The following FRAS1 variants were observed in gnomAD, a reference collection of about 807,000 sequenced individuals.
The protein encoded by FRAS1 is extracellular matrix organizing protein FRAS1.
A neutral mutation model predicts 435.2 loss-of-function variants in FRAS1; 290 were observed. That is an observed-to-expected ratio of 0.67 (90% CI 0.61 to 0.73). The LOEUF (loss-of-function observed/expected upper bound fraction) is 0.73. Among genes scored for constraint, FRAS1 ranks in the 30% least tolerant of loss-of-function variants. The probability of loss-of-function intolerance (pLI) is 0.00; values close to 1 mark genes in which losing one functional copy is unlikely to be tolerated. For synonymous variants in FRAS1, 1,800 were observed against 1,851.0 expected (o/e 0.97, Z 0.71); for missense variants, 4,860 against 5,001.5 (o/e 0.97, Z 0.85).
intron 60 of FRAS1, among the ~76,000 whole-genome samples, chr4:78,497,763 G>GTACTCTTAAGTA (rs1228158275): frequency 2.3e-4 from 35 of 152,280 alleles, no homozygotes; most frequent in African/African-American, 8.2e-4. Context: ...TCTAGAATCT[G>GTACTCTTAAGTA]TACTCTTAAG....
intron 2 of FRAS1, among the ~76,000 whole-genome samples, chr4:78,188,976 T>C (rs77293533): frequency 0.014 from 2,078 of 152,278 alleles, 31 homozygotes; most frequent in Middle Eastern, 0.044. Context: ...TTTCCAGCTA[T>C]TATCTAATTA....
chr4:78,373,102 CAG>C (rs1156315045), intron 24 of FRAS1, among the ~76,000 whole-genome samples: 1 of 152,070 alleles, frequency 6.6e-6, no homozygotes, highest in African/African-American at 2.4e-5. Flanking sequence ...ACCACACAAA[CAG>C]GTATGTGTTA....
At chr4:78,221,447 A>T (rs1310825869) in intron 2 of FRAS1, among the ~76,000 whole-genome samples, 5 of 152,208 alleles carry the variant, frequency 3.3e-5, no homozygotes, top group African/African-American at 1.2e-4. Context: ...AAAAATTTGC[A>T]TATGTTCTGT....
chr4:78,458,889 T>A (rs182938011), intron 47 of FRAS1, among the ~76,000 whole-genome samples: 15 of 152,314 alleles, frequency 9.8e-5, no homozygotes, highest in African/African-American at 3.6e-4. Flanking sequence ...AGTGTATTAC[T>A]GGCCTATGTG....
chr4:78,396,887 T>C (rs1267077146), intron 29 of FRAS1, among the ~76,000 whole-genome samples: 1 of 152,224 alleles, frequency 6.6e-6, no homozygotes, highest in Non-Finnish European at 1.5e-5. Context: ...TTTCTGTCTT[T>C]TGTCAAACCT....
intron 2 of FRAS1, among the ~76,000 whole-genome samples, chr4:78,192,111 T>A (rs1361503396): frequency 2.0e-5 from 3 of 152,240 alleles, no homozygotes; most frequent in Admixed American, 1.3e-4. Context: ...TGAACCAGCC[T>A]TGCATCCCAG....
chr4:78,255,469 A>G lies in FRAS1; in HGVS notation c.603+94A>G. The G allele has an allele frequency of 3.9e-6, 5 of 1,271,090 alleles. No individual in the cohort carries two copies. The South Asian group carries it at 6.4e-5, about 16-fold the overall frequency. 78.7% of individuals were successfully genotyped at this position (1,271,090 alleles called of 1,614,324 possible). A position where few individuals can be genotyped will look rare whatever the true frequency, so the allele number is the denominator to read the frequency against. On this transcript the variant is annotated intron_variant, in intron 6 of 73. Coordinates refer to ENST00000512123, the MANE Select transcript of FRAS1 (RefSeq NM_025074.7). ...ATGGCAGGCAGGCCTCAGAAGCACT[A>G]GAAACAAGAAGCAAAGCCCTTTTTG...
Position 78,434,835 on chromosome 4 carries a change from G to A in FRAS1, c.5217+2231G>A, listed in dbSNP as rs192530515. ...CTGGTCTAAATCTAGCAAAAACCAG[G>A]CAGTATTTTTACAGGGAAAATTATA... is the stretch of plus-strand genomic sequence containing the variant. On this transcript the variant is annotated intron_variant, in intron 38 of 73. Coordinates refer to ENST00000512123, the MANE Select transcript of FRAS1 (RefSeq NM_025074.7). Among the ~76,000 whole-genome samples the A allele has an allele frequency of 4.6e-3, 707 of 152,238 alleles. 5 individuals carry two copies. The highest frequency in any genetic ancestry group is 8.1e-3 in the Non-Finnish European group (548 of 68,012).
At chr4:78,164,910 T>A (rs1226388506) in intron 2 of FRAS1, among the ~76,000 whole-genome samples, 1 of 152,196 alleles carries the variant, frequency 6.6e-6, no homozygotes, top group Non-Finnish European at 1.5e-5. Context: ...GCATCCATAC[T>A]GTTATTTTTT....
intron 61 of FRAS1, among the ~76,000 whole-genome samples, chr4:78,501,630 G>C (rs1240893105): frequency 6.6e-6 from 1 of 152,168 alleles, no homozygotes; most frequent in Non-Finnish European, 1.5e-5. Flanking sequence ...AGAATCTGTT[G>C]TGTCCTGACT....
At chr4:78,333,710 A>G (rs1178934655) in intron 19 of FRAS1, among the ~76,000 whole-genome samples, 1 of 152,222 alleles carries the variant, frequency 6.6e-6, no homozygotes, top group Non-Finnish European at 1.5e-5. Flanking sequence ...GAATAAATAA[A>G]TCCTGTCGTG....
At chr4:78,080,245 C>T (rs547222338) in intron 2 of FRAS1, among the ~76,000 whole-genome samples, 1 of 152,106 alleles carries the variant, frequency 6.6e-6, no homozygotes, top group African/African-American at 2.4e-5. Context: ...TTGATTTATT[C>T]CCCTGGGGAA....
intron 63 of FRAS1, among the ~76,000 whole-genome samples, chr4:78,510,425 C>T (rs1720995726): frequency 6.6e-6 from 1 of 152,034 alleles, no homozygotes; most frequent in South Asian, 2.1e-4. Flanking sequence ...ATAAGTAAAG[C>T]ATTGGCAGCT....
intron 2 of FRAS1, among the ~76,000 whole-genome samples, chr4:78,199,062 G>C (rs1578181189): frequency 6.6e-6 from 1 of 152,116 alleles, no homozygotes; most frequent in Non-Finnish European, 1.5e-5. Flanking sequence ...TGTGTTGTTC[G>C]AGGGTCAAAT....
intron 14 of FRAS1, among the ~76,000 whole-genome samples, chr4:78,297,910 G>C (rs965038905): frequency 6.6e-6 from 1 of 151,750 alleles, no homozygotes; most frequent in Non-Finnish European, 1.5e-5. Context: ...TGCAAACACA[G>C]TGGGATTTTT....
intron 58 of FRAS1, among the ~76,000 whole-genome samples, chr4:78,487,523 C>T (rs1720208323): frequency 6.6e-6 from 1 of 152,106 alleles, no homozygotes; most frequent in African/African-American, 2.4e-5. Flanking sequence ...AATTCTGACC[C>T]AGGAGGCTTT....
intron 2 of FRAS1, among the ~76,000 whole-genome samples, chr4:78,142,391 T>TCCAGG (rs1720231525): frequency 6.6e-6 from 1 of 151,968 alleles, no homozygotes; most frequent in Non-Finnish European, 1.5e-5. Flanking sequence ...GAGCCTCTAA[T>TCCAGG]TATCTCTGAT....
At chr4:78,453,427 G>T (rs938008615) in intron 47 of FRAS1, among the ~76,000 whole-genome samples, 2 of 152,140 alleles carry the variant, frequency 1.3e-5, no homozygotes, top group Admixed American at 1.3e-4. Flanking sequence ...AAGGATGGAA[G>T]AAAGGAAGGA....
intron 2 of FRAS1, among the ~76,000 whole-genome samples, chr4:78,106,338 A>C (rs1313671549): frequency 1.9e-5 from 1 of 52,814 alleles, no homozygotes; most frequent in African/African-American, 7.0e-5. Flanking sequence ...CTGCAGACTT[A>C]AGTGTCCCTG....
Sources: allele counts gnomAD v4.1 joint callset (sites outside exome capture counted in the v4.1 genomes callset), GRCh38; gene constraint gnomAD v4.1.1; transcripts MANE v1.5; gene names NCBI Gene and HGNC (gene_info 2026-07-23, HGNC 2026-07-21).